COBL: variants seen among roughly 807,000 people sequenced by gnomAD.
COBL encodes protein cordon-bleu.
In COBL, 51 loss-of-function variants were observed where a neutral mutation model predicts 98.8. The ratio of observed to expected loss-of-function variants is 0.52; its 90% CI spans 0.41 to 0.65. The LOEUF (loss-of-function observed/expected upper bound fraction) is 0.65. Among genes scored for constraint, COBL ranks in the 30% least tolerant of loss-of-function variants. The pLI is 0.00. For missense variants in COBL, 1,617 were observed against 1,617.5 expected (o/e 1.00, Z 0.01); for synonymous variants, 634 against 651.7 (o/e 0.97, Z 0.41).
At chr7:51,163,381 G>A (rs150206717) in intron 5 of COBL, among the ~76,000 whole-genome samples, 190 of 152,290 alleles carry the variant, frequency 1.2e-3, no homozygotes, top group Middle Eastern at 3.4e-3. Flanking sequence ...TATTTTCTGT[G>A]TCTATATAAG....
intron 2 of COBL, among the ~76,000 whole-genome samples, chr7:51,208,437 G>C (rs1792038873): frequency 1.0e-4 from 1 of 9,820 alleles, no homozygotes; most frequent in African/African-American, 3.9e-4. Flanking sequence ...GGAGGGAGGT[G>C]GGGGGGGTCA....
At chr7:51,171,235 T>C (rs1163709064) in intron 5 of COBL, among the ~76,000 whole-genome samples, 5 of 152,168 alleles carry the variant, frequency 3.3e-5, no homozygotes, top group African/African-American at 9.6e-5. Context: ...CAAATCACTT[T>C]GCAAGTCGGA....
At chr7:51,225,094 G>A (rs1794056103) in intron 1 of COBL, among the ~76,000 whole-genome samples, 1 of 152,212 alleles carries the variant, frequency 6.6e-6, no homozygotes, top group Non-Finnish European at 1.5e-5. Flanking sequence ...CGTGCTTTCA[G>A]TGTGGCTTCT....
intron 1 of COBL, among the ~76,000 whole-genome samples, chr7:51,303,639 G>C (rs1260496254): frequency 6.6e-6 from 1 of 152,180 alleles, no homozygotes; most frequent in African/African-American, 2.4e-5. Context: ...ATGTGCCTGG[G>C]AGAGGGATTT....
chr7:51,206,004 T>C (rs1424925083), intron 2 of COBL, among the ~76,000 whole-genome samples: 1 of 152,168 alleles, frequency 6.6e-6, no homozygotes, highest in African/African-American at 2.4e-5. Context: ...TCACACCTGT[T>C]AGAATGGCAA....
Position 51,067,831 on chromosome 7 carries a change from T to A in COBL, c.1096+17335A>T, listed in dbSNP as rs181842247. Among the ~76,000 whole-genome samples the A allele has an allele frequency of 4.7e-3, 705 of 150,876 alleles. 5 individuals carry two copies. Among genetic ancestry groups the A allele is most frequent in the African/African-American group, 0.017 (671 of 40,226 alleles). ...TTTCTTTCCATTCTCTTCAACTCTG[T>A]CTATCAATGGGATAATCAGGGTTCC... On this transcript the variant is annotated intron_variant, in intron 7 of 12. Coordinates refer to ENST00000265136, the MANE Select transcript of COBL (RefSeq NM_015198.5).
intron 12 of COBL, among the ~76,000 whole-genome samples, chr7:51,019,756 C>T (rs1786738877): frequency 6.6e-6 from 1 of 152,206 alleles, no homozygotes; most frequent in African/African-American, 2.4e-5. Flanking sequence ...TTCACATTAA[C>T]CAAAGCACAC....
chr7:51,234,052 G>A (rs1407427652), intron 1 of COBL, among the ~76,000 whole-genome samples: 2 of 152,230 alleles, frequency 1.3e-5, no homozygotes, highest in African/African-American at 4.8e-5. Context: ...CAGAAAAGAA[G>A]GGTATGTGAA....
At chr7:51,270,070 G>T (rs1470640619) in intron 1 of COBL, among the ~76,000 whole-genome samples, 2 of 152,166 alleles carry the variant, frequency 1.3e-5, no homozygotes, top group African/African-American at 2.4e-5. Flanking sequence ...CCCTGAAATG[G>T]ACTCAGGTTC....
rs185789644 is a variant in COBL at position 51,037,385 on chromosome 7, C to G, written c.1406+5998G>C. 3.9e-5 allele frequency among the ~76,000 whole-genome samples: 6 copies of G among 152,332 alleles called. No individual in the cohort carries two copies. In the East Asian group the frequency reaches 1.2e-3, roughly 29 times the overall value. ...CCAAGAGGTGAAGTCACTGGGCACA[C>G]CACTGCCAGCCATGGGCAGTTCCTT... On this transcript the variant is annotated intron_variant, in intron 8 of 12. Transcript: ENST00000265136.
At chr7:51,315,866 G>C (rs983840519) in intron 1 of COBL, among the ~76,000 whole-genome samples, 1 of 151,968 alleles carries the variant, frequency 6.6e-6, no homozygotes, top group Non-Finnish European at 1.5e-5. Flanking sequence ...GAAACCGGGA[G>C]AGGTTTGGGC....
chr7:51,065,059 A>C (rs1791764122), intron 7 of COBL: 1 of 638,286 alleles, frequency 1.6e-6, no homozygotes, highest in East Asian at 2.7e-5. Context: ...TTTCAGGAGG[A>C]ACATTTAGAA....
At chr7:51,057,126 A>G (rs1790839966) in intron 7 of COBL, among the ~76,000 whole-genome samples, 1 of 152,164 alleles carries the variant, frequency 6.6e-6, no homozygotes, top group Admixed American at 6.5e-5. Context: ...GACTGTCTCA[A>G]GGTTGCAGAG....
At chr7:51,290,186 C>G (rs1800757408) in intron 1 of COBL, among the ~76,000 whole-genome samples, 1 of 152,166 alleles carries the variant, frequency 6.6e-6, no homozygotes, top group African/African-American at 2.4e-5. Context: ...CAAATGCATA[C>G]ACCAATCACA....
intron 11 of COBL, among the ~76,000 whole-genome samples, chr7:51,025,922 T>C (rs1431987453): frequency 6.6e-6 from 1 of 152,182 alleles, no homozygotes; most frequent in Non-Finnish European, 1.5e-5. Flanking sequence ...AGACTAGAAG[T>C]TGGCAGTCCT....
At chr7:51,133,713 G>A (rs1321151222) in intron 6 of COBL, among the ~76,000 whole-genome samples, 1 of 152,174 alleles carries the variant, frequency 6.6e-6, no homozygotes, top group Admixed American at 6.5e-5. Flanking sequence ...AGAGCCATGG[G>A]ATCTGAGAAG....
intron 1 of COBL, among the ~76,000 whole-genome samples, chr7:51,221,326 T>C (rs2129090290): frequency 6.6e-6 from 1 of 152,306 alleles, no homozygotes; most frequent in Middle Eastern, 3.4e-3. Flanking sequence ...CCTAGAAATT[T>C]ACTCTAAACA....
chr7:51,257,808 C>T (rs530478691), intron 1 of COBL, among the ~76,000 whole-genome samples: 1 of 152,108 alleles, frequency 6.6e-6, no homozygotes, highest in Non-Finnish European at 1.5e-5. Context: ...ATAATCTGAT[C>T]TTTAAAAAAA....
chr7:51,220,391 T>A (rs1333545719), intron 1 of COBL, among the ~76,000 whole-genome samples: 2 of 151,950 alleles, frequency 1.3e-5, no homozygotes, highest in Non-Finnish European at 2.9e-5. Flanking sequence ...GGATCTGGAG[T>A]CCATGGATCC....
Sources: gnomAD v4.1 joint callset for allele counts (sites outside exome capture counted in the v4.1 genomes callset) on GRCh38, gnomAD v4.1.1 for gene constraint, MANE v1.5 for transcripts, NCBI Gene and HGNC (gene_info 2026-07-23, HGNC 2026-07-21) for gene names.